Variants in GPC5 observed in about 807,000 individuals in gnomAD.
The protein encoded by GPC5 is glypican-5.
A neutral mutation model predicts 53.9 loss-of-function variants in GPC5; 47 were observed. That is an observed-to-expected ratio of 0.87 (90% CI 0.69 to 1.11). The LOEUF (loss-of-function observed/expected upper bound fraction) is 1.11, where lower values mean the gene tolerates loss of function less well. GPC5 is among the 50% of genes most tolerant of loss of function. The pLI is 0.00. For synonymous variants in GPC5, 286 were observed against 263.3 expected (o/e 1.09, Z -0.84); for missense variants, 748 against 713.1 (o/e 1.05, Z -0.56).
intron 6 of GPC5, among the ~76,000 whole-genome samples, chr13:91,989,761 C>T (rs528185205): frequency 1.3e-5 from 2 of 152,232 alleles, no homozygotes; most frequent in South Asian, 4.1e-4. Context: ...ATTATATTAT[C>T]ACCAATACAC....
chr13:92,302,521 A>C (rs1566528628), intron 7 of GPC5, among the ~76,000 whole-genome samples: 1 of 152,166 alleles, frequency 6.6e-6, no homozygotes, highest in African/African-American at 2.4e-5. Flanking sequence ...TTTTTATTCT[A>C]CTTTTTGTAT....
chr13:92,300,437 C>T (rs918480389), intron 7 of GPC5, among the ~76,000 whole-genome samples: 7 of 152,094 alleles, frequency 4.6e-5, no homozygotes, highest in African/African-American at 7.2e-5. Flanking sequence ...CTAGAGTGGA[C>T]CCCAAATTTG....
rs140501438 is a variant in GPC5, at chr13:92,267,102, G to A, written c.1561+122113G>A. On this transcript the variant is annotated intron_variant, in intron 7 of 7. Transcript: ENST00000377067. ...CTTCTGCACAATTCATTTCTTTCTC[G>A]GAGTTCTAATAAGCATACATGTAAA... is the stretch of plus-strand genomic sequence containing the variant. 1.5e-3 allele frequency among the ~76,000 whole-genome samples: 233 copies of A among 151,658 alleles called. 3 individuals carry two copies. The East Asian group carries it at 0.028, about 18-fold the overall frequency.
intron 7 of GPC5, among the ~76,000 whole-genome samples, chr13:92,229,687 G>A (rs558689138): frequency 3.9e-5 from 6 of 152,094 alleles, no homozygotes; most frequent in African/African-American, 9.6e-5. Flanking sequence ...TAATTCAGCC[G>A]AAACCACATT....
In GPC5 at chr13:92,301,253, A is replaced by T. The variant is rs74911966; in HGVS notation, c.1561+156264A>T. Among the ~76,000 whole-genome samples the T allele has an allele frequency of 1.6e-3, 242 of 152,328 alleles. 3 individuals carry two copies. In the East Asian group the frequency reaches 0.033, roughly 21 times the overall value. On this transcript the variant is annotated intron_variant, in intron 7 of 7. Transcript: ENST00000377067. ...TAGATCATATAATGGTCTTCCAGAC[A>T]GAAGTGAATAGTGGGCTAACATTCT... is the stretch of plus-strand genomic sequence containing the variant.
intron 7 of GPC5, among the ~76,000 whole-genome samples, chr13:92,640,036 T>C (rs1213426342): frequency 1.3e-5 from 2 of 151,674 alleles, no homozygotes; most frequent in Non-Finnish European, 1.5e-5. Context: ...CTGGCTGAAA[T>C]TGGCACCTAA....
intron 7 of GPC5, among the ~76,000 whole-genome samples, chr13:92,668,480 T>A (rs1342136911): frequency 1.3e-5 from 2 of 152,174 alleles, no homozygotes; most frequent in Non-Finnish European, 2.9e-5. Context: ...TGTTTCAGTT[T>A]TTTTCATAGC....
intron 7 of GPC5, among the ~76,000 whole-genome samples, chr13:92,758,996 T>A (rs1013310336): frequency 1.6e-3 from 153 of 97,290 alleles, no homozygotes; most frequent in Non-Finnish European, 2.9e-3. Flanking sequence ...CCATTGCGGT[T>A]TTTTTTTTTT....
At chr13:92,226,726 G>C (rs1354638991) in intron 7 of GPC5, among the ~76,000 whole-genome samples, 2 of 151,616 alleles carry the variant, frequency 1.3e-5, no homozygotes, top group Non-Finnish European at 1.5e-5. Context: ...AGTCTCCCGA[G>C]CAGCTGGGAT....
At chr13:92,573,940 G>A (rs767497265) in intron 7 of GPC5, among the ~76,000 whole-genome samples, 1 of 152,092 alleles carries the variant, frequency 6.6e-6, no homozygotes, top group Non-Finnish European at 1.5e-5. Context: ...TGGGCAAACC[G>A]ACGAAGTTCT....
At chr13:91,564,385 T>C (rs1594259918) in intron 2 of GPC5, among the ~76,000 whole-genome samples, 1 of 152,192 alleles carries the variant, frequency 6.6e-6, no homozygotes, top group Non-Finnish European at 1.5e-5. Flanking sequence ...CTTGGCAAGA[T>C]CTGGGTACAA....
At chr13:92,557,268 A>C (rs1882528003) in intron 7 of GPC5, among the ~76,000 whole-genome samples, 1 of 151,914 alleles carries the variant, frequency 6.6e-6, no homozygotes, top group Non-Finnish European at 1.5e-5. Context: ...ACATTTTTAA[A>C]AATTTGTGTT....
chr13:92,284,952 G>T (rs946672932), intron 7 of GPC5, among the ~76,000 whole-genome samples: 9 of 152,114 alleles, frequency 5.9e-5, no homozygotes, highest in Admixed American at 3.9e-4. Context: ...AAGTCAAATT[G>T]TCCCTGTTTG....
At chr13:91,857,660 A>T (rs898845237) in intron 5 of GPC5, among the ~76,000 whole-genome samples, 2 of 151,250 alleles carry the variant, frequency 1.3e-5, no homozygotes, top group South Asian at 4.2e-4. Context: ...ATTAAATATA[A>T]GTTACAAGGA....
chr13:92,137,233 G>A (rs1204512890), intron 6 of GPC5, among the ~76,000 whole-genome samples: 4 of 152,160 alleles, frequency 2.6e-5, no homozygotes, highest in African/African-American at 9.7e-5. Context: ...TTTGCCTAAA[G>A]GCACACAATT....
Position 92,738,654 on chromosome 13 carries a change from C to T in GPC5, c.1562-127628C>T, listed in dbSNP as rs114749022. ...TGATAAGACCAACTCTTGATATAGC[C>T]GTAACTTAAGACAGTTCTTTCTTTT... On this transcript the variant is annotated intron_variant, in intron 7 of 7. Transcript: ENST00000377067. Among the ~76,000 whole-genome samples, 1,423 of 152,140 alleles carry T rather than the reference C, an allele frequency of 9.4e-3. 21 individuals carry two copies. The highest frequency in any genetic ancestry group is 0.032 in the African/African-American group (1,345 of 41,530).
intron 7 of GPC5, among the ~76,000 whole-genome samples, chr13:92,221,416 T>A (rs2042447578): frequency 6.6e-6 from 1 of 152,104 alleles, no homozygotes; most frequent in Non-Finnish European, 1.5e-5. Flanking sequence ...GCAATCATAG[T>A]GTTGTTAAAT....
chr13:92,281,271 C>G (rs1380180742), intron 7 of GPC5, among the ~76,000 whole-genome samples: 1 of 152,188 alleles, frequency 6.6e-6, no homozygotes, highest in Non-Finnish European at 1.5e-5. Context: ...GGGTGGAGCC[C>G]ACCACAGCTC....
chr13:92,004,126 A>C (rs937465587), intron 6 of GPC5, among the ~76,000 whole-genome samples: 2 of 152,012 alleles, frequency 1.3e-5, no homozygotes, highest in Admixed American at 1.3e-4. Flanking sequence ...ATTTTCCCAA[A>C]GTGTTTATTC....
Sources: gnomAD v4.1 joint callset for allele counts (sites outside exome capture counted in the v4.1 genomes callset) on GRCh38, gnomAD v4.1.1 for gene constraint, MANE v1.5 for transcripts, NCBI Gene and HGNC (gene_info 2026-07-23, HGNC 2026-07-21) for gene names.